Variants in MARCHF1 observed in about 807,000 individuals in gnomAD.
The protein encoded by MARCHF1 is membrane associated ring-CH-type finger 1, also known as E3 ubiquitin-protein ligase MARCHF1.
A neutral mutation model predicts 54.2 loss-of-function variants in MARCHF1; 40 were observed. The observed-to-expected ratio is 0.74, with a 90% confidence interval of 0.57 to 0.96. The LOEUF (loss-of-function observed/expected upper bound fraction) is 0.96. Ranked by LOEUF, MARCHF1 falls within the 40% of genes least tolerant of loss-of-function variation. The pLI, the probability that MARCHF1 is intolerant of heterozygous loss-of-function variation, is 0.00. For synonymous variants in MARCHF1, 236 were observed against 236.3 expected (o/e 1.00, Z 0.01); for missense variants, 586 against 656.5 (o/e 0.89, Z 1.17).
intron 1 of MARCHF1, among the ~76,000 whole-genome samples, chr4:164,324,645 TAAGG>T (rs1735226661): frequency 6.6e-6 from 1 of 151,326 alleles, no homozygotes; most frequent in Non-Finnish European, 1.5e-5. Context: ...CTGCTTATAA[TAAGG>T]AAGAAATAAA....
At chr4:164,168,308 T>C (rs1376897278) in intron 1 of MARCHF1, among the ~76,000 whole-genome samples, 1 of 151,938 alleles carries the variant, frequency 6.6e-6, no homozygotes, top group Non-Finnish European at 1.5e-5. Context: ...AACAGAACCT[T>C]AGTGTATTGT....
chr4:163,669,327 A>G (rs1245441549), intron 5 of MARCHF1, among the ~76,000 whole-genome samples: 1 of 152,204 alleles, frequency 6.6e-6, no homozygotes, highest in Non-Finnish European at 1.5e-5. Flanking sequence ...CCAAGCAAGT[A>G]GTACCACTAT....
At chr4:164,023,567 A>G (rs947100884) in intron 2 of MARCHF1, among the ~76,000 whole-genome samples, 4 of 152,286 alleles carry the variant, frequency 2.6e-5, no homozygotes, top group Admixed American at 6.5e-5. Flanking sequence ...CTCTGAAAAT[A>G]CTTAAAATAA....
At chr4:164,135,709 T>C (rs1756386781) in intron 1 of MARCHF1, among the ~76,000 whole-genome samples, 1 of 152,216 alleles carries the variant, frequency 6.6e-6, no homozygotes, top group Non-Finnish European at 1.5e-5. Context: ...AGCTAGACTA[T>C]ATCAGCCATC....
chr4:163,680,445 CT>C (rs1428728461), intron 5 of MARCHF1, among the ~76,000 whole-genome samples: 1 of 152,148 alleles, frequency 6.6e-6, no homozygotes, highest in Non-Finnish European at 1.5e-5. Context: ...GTACTTGTGT[CT>C]TTGTCAAACC....
intron 3 of MARCHF1, among the ~76,000 whole-genome samples, chr4:163,959,199 A>T (rs1752290261): frequency 6.6e-6 from 1 of 151,940 alleles, no homozygotes; most frequent in South Asian, 2.1e-4. Flanking sequence ...TGGGTGTTTT[A>T]AGCGACTAAA....
At chr4:164,031,258 A>G (rs1753870961) in intron 2 of MARCHF1, among the ~76,000 whole-genome samples, 1 of 151,808 alleles carries the variant, frequency 6.6e-6, no homozygotes, top group Non-Finnish European at 1.5e-5. Context: ...CCAGTTCTAG[A>G]TTTTCTAGTT....
At chr4:164,230,848 A>G (rs1411999781) in intron 1 of MARCHF1, among the ~76,000 whole-genome samples, 1 of 152,082 alleles carries the variant, frequency 6.6e-6, no homozygotes, top group Non-Finnish European at 1.5e-5. Flanking sequence ...AAGAGTTAGG[A>G]TGTGTATTTG....
chr4:163,604,734 C>T (rs1311030272), intron 7 of MARCHF1, among the ~76,000 whole-genome samples: 1 of 152,094 alleles, frequency 6.6e-6, no homozygotes, highest in Middle Eastern at 3.2e-3. Flanking sequence ...CTCCCTGGCT[C>T]TCTACTAGGC....
chr4:164,065,614 T>C (rs1450942414), intron 2 of MARCHF1, among the ~76,000 whole-genome samples: 3 of 152,106 alleles, frequency 2.0e-5, no homozygotes, highest in Admixed American at 2.0e-4. Flanking sequence ...TTAGGCAGAA[T>C]TGGCTCACAT....
At chr4:164,267,006 C>A (rs568014576) in intron 1 of MARCHF1, among the ~76,000 whole-genome samples, 1 of 152,162 alleles carries the variant, frequency 6.6e-6, no homozygotes, top group Non-Finnish European at 1.5e-5. Flanking sequence ...ATGATGTCTA[C>A]ATCACAGTCC....
intron 3 of MARCHF1, 69 bp from the exon 4 acceptor site, chr4:163,854,238 C>A: frequency 2.6e-6 from 3 of 1,175,914 alleles, no homozygotes; most frequent in South Asian, 1.8e-5. Flanking sequence ...TACATATAAT[C>A]AAAATTAAAT....
chr4:163,866,466 T>TTATATATA (rs57733725), intron 3 of MARCHF1, among the ~76,000 whole-genome samples: 28,427 of 124,220 alleles, frequency 0.23, 4,092 homozygotes, highest in South Asian at 0.3. Context: ...AAAGCTGTAG[T>TTATATATA]TATATATATA....
intron 9 of MARCHF1, among the ~76,000 whole-genome samples, chr4:163,541,371 T>C (rs932561719): frequency 1.3e-5 from 2 of 152,250 alleles, no homozygotes; most frequent in Admixed American, 6.5e-5. Flanking sequence ...TAGTTGTTTT[T>C]GGTTTGTATT....
chr4:163,756,272 C>T (rs1300531017), intron 4 of MARCHF1, among the ~76,000 whole-genome samples: 1 of 151,970 alleles, frequency 6.6e-6, no homozygotes, highest in East Asian at 1.9e-4. Context: ...AATTCTTACT[C>T]CAGGGCACTA....
chr4:164,382,368 A>G (rs1731394101), intron 1 of MARCHF1, among the ~76,000 whole-genome samples: 1 of 152,122 alleles, frequency 6.6e-6, no homozygotes, highest in Non-Finnish European at 1.5e-5. Context: ...AAATAAAATA[A>G]CCCTTTGAAT....
chr4:164,110,138 A>G (rs1350109223), intron 2 of MARCHF1, among the ~76,000 whole-genome samples: 44 of 151,232 alleles, frequency 2.9e-4, no homozygotes, highest in Admixed American at 2.6e-3. Context: ...ACACACACAC[A>G]CACACACACA....
At chr4:163,671,390 G>C (rs1463406707) in intron 5 of MARCHF1, among the ~76,000 whole-genome samples, 1 of 152,176 alleles carries the variant, frequency 6.6e-6, no homozygotes, top group African/African-American at 2.4e-5. Context: ...CCAAAATTTT[G>C]CTTTAGTAGA....
At chr4:164,130,443 G>A (rs1470323101) in intron 1 of MARCHF1, among the ~76,000 whole-genome samples, 1 of 152,088 alleles carries the variant, frequency 6.6e-6, no homozygotes, top group Non-Finnish European at 1.5e-5. Context: ...CACTCCTCAA[G>A]ATTCTAACAA....
Sources: gnomAD v4.1 joint callset for allele counts (sites outside exome capture counted in the v4.1 genomes callset) on GRCh38, gnomAD v4.1.1 for gene constraint, MANE v1.5 for transcripts, NCBI Gene and HGNC (gene_info 2026-07-23, HGNC 2026-07-21) for gene names.